ADGRD2: variants seen among roughly 807,000 people sequenced by gnomAD.
ADGRD2 encodes adhesion G protein-coupled receptor D2, also known as G protein-coupled receptor PGR24.
In ADGRD2, 71 loss-of-function variants were observed where a neutral mutation model predicts 44.4. The observed-to-expected ratio is 1.60, with a 90% confidence interval of 1.32 to 1.95. The LOEUF (loss-of-function observed/expected upper bound fraction) is 1.95. ADGRD2 is among the 30% of genes most tolerant of loss of function. The pLI is 0.00. For synonymous variants in ADGRD2, 481 were observed against 224.8 expected (o/e 2.14, Z -10.19); for missense variants, 1,039 against 512.4 (o/e 2.03, Z -9.92).
At chr9:124,462,589 T>C (rs2131242753) in intron 10 of ADGRD2, among the ~76,000 whole-genome samples, 1 of 152,332 alleles carries the variant, frequency 6.6e-6, no homozygotes, top group Middle Eastern at 3.4e-3. Context: ...CAGTGATGTA[T>C]ACCTTTCAGT....
Position 124,458,673 on chromosome 9 carries a change from TG to T in ADGRD2, c.1824del (p.Gly609GlufsTer7). 1 of 718,368 alleles carries T rather than the reference TG, an allele frequency of 1.4e-6. No individual in the cohort carries two copies. Among genetic ancestry groups the T allele is most frequent in the South Asian group, 1.5e-5 (1 of 67,586 alleles). 44.5% of individuals were successfully genotyped at this position (718,368 alleles called of 1,614,324 possible). A position where few individuals can be genotyped will look rare whatever the true frequency, so the allele number is the denominator to read the frequency against. On this transcript the variant is annotated frameshift_variant, in exon 10 of 22. Transcript: ENST00000334810. LOFTEE classifies it high-confidence loss of function. ...TCTCCTCTGAAGTGTGGGACGTCACTGGAGAGGTCAACGTGGCCATGACCTT... is the reference window on the plus strand; with the variant it reads ...TCTCCTCTGAAGTGTGGGACGTCACTGAGAGGTCAACGTGGCCATGACCTT...
intron 1 of ADGRD2, 81 bp from the exon 5 acceptor site, chr9:124,452,429 A>G: frequency 2.8e-6 from 2 of 713,298 alleles, no homozygotes; most frequent in Non-Finnish European, 5.2e-6. Flanking sequence ...CTCCAAGCCC[A>G]GTGTCCTTGG....
chr9:124,457,231 T>C (rs1392246811), intron 7 of ADGRD2, among the ~76,000 whole-genome samples: 2 of 152,230 alleles, frequency 1.3e-5, no homozygotes, highest in African/African-American at 4.8e-5. Flanking sequence ...CACCAGTTTC[T>C]GGTGACTCAT....
chr9:124,475,629 T>TG lies in ADGRD2; in HGVS notation c.2845+19dup. 2.5e-6 allele frequency: 1 copy of TG among 399,574 alleles called. No individual in the cohort carries two copies. The highest frequency in any genetic ancestry group is 5.1e-6 in the Non-Finnish European group (1 of 197,742). 24.8% of individuals were successfully genotyped at this position (399,574 alleles called of 1,614,324 possible). A position where few individuals can be genotyped will look rare whatever the true frequency, so the allele number is the denominator to read the frequency against. On this transcript the variant is annotated intron_variant, in intron 19 of 21. Transcript: ENST00000334810. The stretch of plus-strand genomic sequence containing the variant: ...AAGGTGGCCGAGGTGCTCAGGGCAC[T>TG]GGGGGTGTGGGTGGGGGCGGGAGGC...
intron 10 of ADGRD2, among the ~76,000 whole-genome samples, chr9:124,464,638 C>T (rs1005088016): frequency 1.3e-5 from 2 of 152,198 alleles, no homozygotes; most frequent in Non-Finnish European, 2.9e-5. Flanking sequence ...GACTGGGGCT[C>T]GTACCACTGG....
At chr9:124,453,896 T>G (rs1475443358) in intron 3 of ADGRD2, 103 bp from the exon 7 acceptor site, 1 of 478,280 alleles carries the variant, frequency 2.1e-6, no homozygotes, top group Non-Finnish European at 3.8e-6. Flanking sequence ...CTGGCAACAG[T>G]GTCCCTCTCT....
Position 124,454,813 on chromosome 9 carries a change from AC to A in ADGRD2, c.1109-27del, listed in dbSNP as rs1167826882. ...GGGGGGATCCCCTCATAACAACCAGACCCAGAGTCAGTGGCTCCTCTGTCCA... is the reference window on the plus strand; with the variant it reads ...GGGGGGATCCCCTCATAACAACCAGACCAGAGTCAGTGGCTCCTCTGTCCA... On this transcript the variant is annotated intron_variant, in intron 5 of 21. Transcript: ENST00000334810. The surrounding 1 kb of genome is among the most constrained non-coding windows in gnomAD (Gnocchi z 4.5). 2 of 664,914 alleles carry A rather than the reference AC, an allele frequency of 3.0e-6. No homozygotes were observed. The highest frequency in any genetic ancestry group is 3.2e-5 in the South Asian group (2 of 62,252). The allele number at this position is 664,914 out of a possible 1,614,324, so 41.2% of individuals were successfully genotyped here.
chr9:124,477,175 G>T (rs562048911), intron 21 of ADGRD2: 2 of 416,452 alleles, frequency 4.8e-6, no homozygotes, highest in Non-Finnish European at 9.8e-6. Context: ...TCACCAGCTG[G>T]ACAGCTGATG....
exon 18 of ADGRD2, chr9:124,475,462 T>G (rs1158012670): frequency 2.8e-6 from 2 of 713,436 alleles, no homozygotes; most frequent in South Asian, 1.5e-5. Context: ...TACATCTTCC[T>G]GGTTTATGCT....
At chr9:124,451,335 G>A (rs750976249), upstream of ADGRD2, 1 of 413,194 alleles carries the variant, frequency 2.4e-6, no homozygotes, top group Non-Finnish European at 4.9e-6. Flanking sequence ...CCCCTCTCTG[G>A]CCAGCGACTG....
rs537996208 is a variant in ADGRD2, at chr9:124,473,148, T to C, written c.2759-2298T>C. Among the ~76,000 whole-genome samples the C allele has an allele frequency of 5.3e-5, 8 of 152,334 alleles. No individual in the cohort carries two copies. In the East Asian group the frequency reaches 1.5e-3, roughly 29 times the overall value. ...CACTCCACCTCCATCCCTGTCCCTCTCTCACTCTCCGTCAGTCTTGGGCAT... is the reference window on the plus strand; with the variant it reads ...CACTCCACCTCCATCCCTGTCCCTCCCTCACTCTCCGTCAGTCTTGGGCAT... On this transcript the variant is annotated intron_variant, in intron 17 of 21. Coordinates refer to ENST00000334810, the Ensembl canonical transcript of ADGRD2.
exon 3 of ADGRD2, chr9:124,453,527 T>C (rs1232163760): frequency 5.7e-6 from 4 of 699,468 alleles, no homozygotes; most frequent in African/African-American, 1.8e-5. Flanking sequence ...GACTTCCACC[T>C]GTGGGCGCGG....
exon 3 of ADGRD2, chr9:124,453,607 T>G (rs1403627596): frequency 1.4e-6 from 1 of 701,024 alleles, no homozygotes; most frequent in South Asian, 1.5e-5. Flanking sequence ...GCTCTTCCGC[T>G]GGGACCCGGG....
At chr9:124,466,065 G>A in intron 10 of ADGRD2, 193 bp from the exon 14 acceptor site, 1 of 428,780 alleles carries the variant, frequency 2.3e-6, no homozygotes. Context: ...ACTGGGATCA[G>A]CCCTGCCCTC....
At chr9:124,452,067 C>T (rs77095338), upstream of ADGRD2, 28,801 of 665,458 alleles carry the variant, frequency 0.043, 760 homozygotes, top group East Asian at 0.093. Context: ...TGTCCCAGCC[C>T]CCACCTGTCT....
chr9:124,474,697 C>T (rs1250664492), intron 17 of ADGRD2, among the ~76,000 whole-genome samples: 1 of 152,208 alleles, frequency 6.6e-6, no homozygotes, highest in East Asian at 1.9e-4. Flanking sequence ...CCCAGGACAG[C>T]CTCAGGGCTG....
chr9:124,473,536 C>G (rs1350046817), intron 17 of ADGRD2, among the ~76,000 whole-genome samples: 2 of 152,262 alleles, frequency 1.3e-5, no homozygotes, highest in African/African-American at 4.8e-5. Flanking sequence ...AGGAGCCCCA[C>G]GAGTGTGAGC....
intron 1 of ADGRD2, 106 bp from the exon 5 acceptor site, chr9:124,452,404 A>G: frequency 1.4e-6 from 1 of 700,710 alleles, no homozygotes; most frequent in South Asian, 1.5e-5. Context: ...GTTCAGCCCC[A>G]TCCAGCCCGA....
chr9:124,468,576 T>C (rs987469103), exon 14 of ADGRD2: 1 of 718,650 alleles, frequency 1.4e-6, no homozygotes. Context: ...GGCATTCTCC[T>C]GGATGCTGGT....
Sources: allele counts gnomAD v4.1 joint callset (sites outside exome capture counted in the v4.1 genomes callset), GRCh38; gene constraint gnomAD v4.1.1; non-coding constraint Gnocchi (gnomAD v3.1); transcripts MANE v1.5; gene names NCBI Gene and HGNC (gene_info 2026-07-23, HGNC 2026-07-21).